Variants in RNF43 observed in about 807,000 individuals in gnomAD.
RNF43 encodes E3 ubiquitin-protein ligase RNF43.
Under a neutral mutation model 78.4 loss-of-function variants are expected in RNF43, and 37 were observed. The ratio of observed to expected loss-of-function variants is 0.47; its 90% confidence interval spans 0.36 to 0.62. The LOEUF (loss-of-function observed/expected upper bound fraction) is 0.62. Ranked by LOEUF, RNF43 falls within the 20% of genes least tolerant of loss-of-function variation. RNF43 has a pLI of 0.00. For synonymous variants in RNF43, 347 were observed against 395.0 expected (o/e 0.88, Z 1.44); for missense variants, 774 against 1,007.9 (o/e 0.77, Z 3.14).
Position 58,360,724 on chromosome 17 carries a change from T to G in RNF43, c.849+59A>C. 25 of 916,618 alleles carry G rather than the reference T, an allele frequency of 2.7e-5. No homozygotes were observed. Among genetic ancestry groups the G allele is most frequent in the Non-Finnish European group, 3.5e-5 (22 of 622,482 alleles). The allele number at this position is 916,618 out of a possible 1,614,324, so 56.8% of individuals were successfully genotyped here. ...ACCAGCCCCTAGGCCTGCCCACCCCTCCCCCAGCTTCAATCTCCCCAGTCT... is the reference window on the plus strand; with the variant it reads ...ACCAGCCCCTAGGCCTGCCCACCCCGCCCCCAGCTTCAATCTCCCCAGTCT... On this transcript the variant is annotated intron_variant, in intron 7 of 9. Transcript: ENST00000407977. This position sits in a 1 kb window ranked among gnomAD's most constrained non-coding sequence, Gnocchi z 4.3.
At chr17:58,378,036 G>A (rs1316445794) in intron 2 of RNF43, among the ~76,000 whole-genome samples, 7 of 152,080 alleles carry the variant, frequency 4.6e-5, no homozygotes, top group Admixed American at 1.3e-4. Context: ...CCACCACTGA[G>A]GCCCAGCTTG....
intron 2 of RNF43, among the ~76,000 whole-genome samples, chr17:58,405,461 C>T (rs1379764859): frequency 1.3e-5 from 2 of 151,884 alleles, no homozygotes; most frequent in East Asian, 3.9e-4. Context: ...TTTCTTTAAT[C>T]ATAGGGAATC....
rs1348213537 is a variant in RNF43 at position 58,358,541 on chromosome 17, T to C, written c.1235A>G (p.Tyr412Cys). Residue 412 changes from tyrosine to cysteine, a missense_variant, in exon 9 of 10, where the codon TAT (tyrosine) becomes TGT (cysteine). By Grantham distance (194) the Tyr-to-Cys change is radical. Coordinates refer to ENST00000407977, the MANE Select transcript of RNF43 (RefSeq NM_017763.6). This position sits in a 1 kb window ranked among gnomAD's most constrained non-coding sequence, Gnocchi z 6.2. ...GTGGCTCAGTCCCCAGCCTTGTGCA[T>C]AGGGGTGCTGGGCTCCTGCCAGGCG... The part of the protein sequence containing the change: ...QQRLAGAQHP[Y>C]AQGWGLSHLQ... 2 of 1,612,674 alleles carry C rather than the reference T, an allele frequency of 1.2e-6. No individual in the cohort carries two copies. The highest frequency in any genetic ancestry group is 1.7e-6 in the Non-Finnish European group (2 of 1,179,288).
chr17:58,386,627 C>T (rs960669043), intron 2 of RNF43, among the ~76,000 whole-genome samples: 3 of 152,178 alleles, frequency 2.0e-5, no homozygotes, highest in African/African-American at 7.2e-5. Context: ...AATTGGATTA[C>T]TCACTATTCT....
At chr17:58,389,940 GAAC>G (rs932652894) in intron 2 of RNF43, among the ~76,000 whole-genome samples, 20 of 152,168 alleles carry the variant, frequency 1.3e-4, no homozygotes, top group African/African-American at 4.3e-4. Flanking sequence ...TTTTAAGATT[GAAC>G]TACTGCTTTT....
intron 3 of RNF43, among the ~76,000 whole-genome samples, chr17:58,369,168 C>T (rs1213404413): frequency 6.6e-6 from 1 of 152,166 alleles, no homozygotes; most frequent in East Asian, 1.9e-4. Flanking sequence ...AAATGAGTGA[C>T]ATTTGCCCAT....
At chr17:58,377,948 G>A (rs1973240905) in intron 2 of RNF43, among the ~76,000 whole-genome samples, 1 of 152,000 alleles carries the variant, frequency 6.6e-6, no homozygotes, top group Admixed American at 6.6e-5. Flanking sequence ...ATAAAGTAAA[G>A]CTCCTGCAGA....
intron 9 of RNF43, among the ~76,000 whole-genome samples, chr17:58,356,129 C>T (rs1478839626): frequency 6.6e-6 from 1 of 152,168 alleles, no homozygotes; most frequent in Non-Finnish European, 1.5e-5. Context: ...CAGTACATGG[C>T]TCTCTCCCCA....
At chr17:58,403,990 A>G (rs1196280732) in intron 2 of RNF43, among the ~76,000 whole-genome samples, 1 of 152,200 alleles carries the variant, frequency 6.6e-6, no homozygotes, top group East Asian at 1.9e-4. Context: ...TCATTGGGAC[A>G]ACCTTGACGA....
At chr17:58,362,773 G>A in intron 5 of RNF43, 125 bp from the exon 6 acceptor site, 1 of 643,852 alleles carries the variant, frequency 1.6e-6, no homozygotes, top group South Asian at 2.2e-5. Flanking sequence ...TCCATCTGAG[G>A]GGATGGAGAG....
At chr17:58,392,249 T>C (rs749013002) in intron 2 of RNF43, among the ~76,000 whole-genome samples, 21 of 152,216 alleles carry the variant, frequency 1.4e-4, no homozygotes, top group Non-Finnish European at 2.9e-4. Flanking sequence ...AAAATACCTC[T>C]TTATTGGGGT....
At chr17:58,414,693 A>C (rs916195476) in intron 2 of RNF43, among the ~76,000 whole-genome samples, 3 of 152,200 alleles carry the variant, frequency 2.0e-5, no homozygotes, top group South Asian at 4.1e-4. Context: ...AAAACATGTT[A>C]AATTTAAATT....
At chr17:58,387,802 A>G (rs1973469458) in intron 2 of RNF43, among the ~76,000 whole-genome samples, 1 of 152,202 alleles carries the variant, frequency 6.6e-6, no homozygotes, top group Admixed American at 6.5e-5. Flanking sequence ...CTAAGATATA[A>G]CTATCTTACT....
At position 58,357,405 on chromosome 17, in the gene RNF43, G is replaced by A. The variant is rs2143381467; in HGVS notation, c.2308+63C>T. The A allele has an allele frequency of 6.2e-7, 1 of 1,602,724 alleles. No individual in the cohort carries two copies. Among genetic ancestry groups the A allele is most frequent in the Non-Finnish European group, 8.5e-7 (1 of 1,169,832 alleles). On this transcript the variant is annotated intron_variant, in intron 9 of 9. Transcript: ENST00000407977. The surrounding 1 kb of genome is among the most constrained non-coding windows in gnomAD (Gnocchi z 4.5). ...AACCCTTTGTTGGCTGACTTCACCT[G>A]TCCTGAAATATTCAGCTGTAGTCTC...
At chr17:58,382,717 C>A (rs1166166198) in intron 2 of RNF43, among the ~76,000 whole-genome samples, 1 of 152,182 alleles carries the variant, frequency 6.6e-6, no homozygotes, top group Non-Finnish European at 1.5e-5. Flanking sequence ...GGAACGAGTC[C>A]CGGTCTCAGG....
At chr17:58,384,890 A>G (rs1290086694) in intron 2 of RNF43, among the ~76,000 whole-genome samples, 2 of 152,250 alleles carry the variant, frequency 1.3e-5, no homozygotes, top group Non-Finnish European at 2.9e-5. Context: ...ACAGGAAAAC[A>G]GTTTTCTTGA....
chr17:58,373,220 G>A (rs1973138495), intron 2 of RNF43, among the ~76,000 whole-genome samples: 1 of 152,200 alleles, frequency 6.6e-6, no homozygotes, highest in Non-Finnish European at 1.5e-5. Context: ...AGGGTCGCCT[G>A]GGAGAGGAAA....
rs2143447961 is a variant in RNF43, at chr17:58,360,917, C to T, written c.715G>A (p.Ala239Thr). ...PDPLQQRTAW[A>T]ISQLATRRYQ... The stretch of plus-strand genomic sequence containing the variant: ...CTCCTGGTGGCCAGCTGGCTGATGG[C>T]CCAGGCTGTTCTCTGCTGAAGCGGA... Residue 239 changes from alanine (A) to threonine (T), a missense_variant, in exon 7 of 10, where the codon GCC becomes ACC. Transcript: ENST00000407977. This position sits in a 1 kb window ranked among gnomAD's most constrained non-coding sequence, Gnocchi z 4.3. 6.2e-7 allele frequency: 1 copy of T among 1,602,306 alleles called. No homozygotes were observed. The highest frequency in any genetic ancestry group is 8.5e-7 in the Non-Finnish European group (1 of 1,172,978).
intron 2 of RNF43, among the ~76,000 whole-genome samples, chr17:58,397,576 T>C (rs1973709319): frequency 6.6e-6 from 1 of 151,188 alleles, no homozygotes; most frequent in South Asian, 2.1e-4. Context: ...GGCAGGAGAA[T>C]CACTTGAATC....
Sources: allele counts gnomAD v4.1 joint callset (sites outside exome capture counted in the v4.1 genomes callset), GRCh38; gene constraint gnomAD v4.1.1; non-coding constraint Gnocchi (gnomAD v3.1); transcripts MANE v1.5; gene names NCBI Gene and HGNC (gene_info 2026-07-23, HGNC 2026-07-21).